Variants in PRICKLE2 observed in about 807,000 individuals in gnomAD.
PRICKLE2 encodes the protein prickle planar cell polarity protein 2.
In PRICKLE2, 21 loss-of-function variants were observed where a neutral mutation model predicts 81.4. The ratio of observed to expected loss-of-function variants is 0.26; its 90% CI spans 0.18 to 0.37. The LOEUF (loss-of-function observed/expected upper bound fraction) is 0.37. Among genes scored for constraint, PRICKLE2 ranks in the 10% least tolerant of loss-of-function variants. The pLI is 1.00. For missense variants in PRICKLE2, 940 were observed against 1,109.0 expected (o/e 0.85, Z 2.16); for synonymous variants, 456 against 421.5 (o/e 1.08, Z -1.00).
chr3:64,124,155 C>G (rs1167085286), intron 7 of PRICKLE2, among the ~76,000 whole-genome samples: 22 of 152,168 alleles, frequency 1.4e-4, no homozygotes, highest in Non-Finnish European at 2.2e-4. Context: ...GTGGGCTGGA[C>G]AGAAAAACAA....
chr3:64,121,741 G>A (rs2077031731), intron 7 of PRICKLE2, among the ~76,000 whole-genome samples: 2 of 152,170 alleles, frequency 1.3e-5, no homozygotes, highest in Admixed American at 1.3e-4. Context: ...TGGGCAGACA[G>A]GCCACTCACC....
chr3:64,225,534 ATCCT>A, upstream of PRICKLE2: 1 of 749,110 alleles, frequency 1.3e-6, no homozygotes, highest in Non-Finnish European at 1.6e-6. Context: ...TGGACGTCCC[ATCCT>A]GCTGCCCAGT....
In PRICKLE2 at chr3:64,157,330, C is replaced by T. The variant is rs1326194235; in HGVS notation, c.432G>A (p.Val144=). The T allele has an allele frequency of 2.5e-6, 4 of 1,613,570 alleles. No homozygotes were observed. The African/African-American group carries it at 4.0e-5, about 16-fold the overall frequency. The change falls in exon 5 of 8, where the codon GTG becomes GTA. Residue 144 remains valine, a synonymous_variant. Transcript: ENST00000638394. Reference sequence around the variant, plus strand: ...CGCCGTGGCCAGCGCGTGACGCAAACACAGCGATGTCTCCACCATTGATCT... The same window carrying T: ...CGCCGTGGCCAGCGCGTGACGCAAATACAGCGATGTCTCCACCATTGATCT... ...GGQINGGDIA[V]FASRAGHGVC... is the part of the protein sequence containing the mutation.
At chr3:64,194,214 G>A (rs2078405525) in intron 2 of PRICKLE2, 1 of 152,222 alleles carries the variant, frequency 6.6e-6, no homozygotes, top group Non-Finnish European at 1.5e-5. Flanking sequence ...TCTGCCTCAG[G>A]GATCTGCTCA....
At chr3:64,231,466 G>A (rs1318287100) in intron 2 of PRICKLE2, among the ~76,000 whole-genome samples, 2 of 152,106 alleles carry the variant, frequency 1.3e-5, no homozygotes, top group Non-Finnish European at 2.9e-5. Context: ...TTTATGTAAA[G>A]GACTAGGAGA....
At chr3:64,258,841 AAAAAAAAGAAAGAAAGAAAGAAAG>A (rs2079568494) in intron 2 of PRICKLE2, among the ~76,000 whole-genome samples, 9 of 39,306 alleles carry the variant, frequency 2.3e-4, no homozygotes, top group African/African-American at 6.7e-4. Context: ...AAAAAAAAAA[AAAAAAAAGAAAGAAAGAAAGAAAG>A]AAAGAAAGAA....
intron 7 of PRICKLE2, chr3:64,106,205 G>T (rs955900016): frequency 2.0e-5 from 3 of 152,164 alleles, no homozygotes; most frequent in African/African-American, 7.2e-5. Flanking sequence ...TTTCAGTAGG[G>T]TCTTTCCTAT....
rs142263776 is a variant in PRICKLE2 at position 64,098,905 on chromosome 3, G to A, written c.*146C>T. 87 of 848,602 alleles carry A rather than the reference G, an allele frequency of 1.0e-4. 1 individual carries two copies. In the East Asian group the frequency reaches 1.8e-3, roughly 18 times the overall value. 52.6% of individuals were successfully genotyped at this position (848,602 alleles called of 1,614,324 possible). A position where few individuals can be genotyped will look rare whatever the true frequency, so the allele number is the denominator to read the frequency against. Reference sequence around the variant, plus strand: ...CTGTGACTACCTATTGAGTCAACCTGTAACCTTGCCTCCATCTACTGACAG... The same window carrying A: ...CTGTGACTACCTATTGAGTCAACCTATAACCTTGCCTCCATCTACTGACAG... On this transcript the variant is annotated 3_prime_UTR_variant, in exon 8 of 8. Coordinates refer to ENST00000638394, the MANE Select transcript of PRICKLE2 (RefSeq NM_198859.4).
chr3:64,116,335 A>G (rs2076933623), intron 7 of PRICKLE2, among the ~76,000 whole-genome samples: 1 of 152,180 alleles, frequency 6.6e-6, no homozygotes, highest in Non-Finnish European at 1.5e-5. Flanking sequence ...GAAGACACAA[A>G]ATAATCAAAA....
At chr3:64,175,411 A>G (rs1238343261) in intron 2 of PRICKLE2, among the ~76,000 whole-genome samples, 1 of 152,152 alleles carries the variant, frequency 6.6e-6, no homozygotes, top group Non-Finnish European at 1.5e-5. Flanking sequence ...TAGTTCACCT[A>G]CTTCTTAGAT....
intron 2 of PRICKLE2, among the ~76,000 whole-genome samples, chr3:64,246,700 T>C (rs2079361570): frequency 6.6e-6 from 1 of 152,208 alleles, no homozygotes; most frequent in African/African-American, 2.4e-5. Flanking sequence ...ATGTTGCTGA[T>C]ATGTGGATCA....
intron 2 of PRICKLE2, among the ~76,000 whole-genome samples, chr3:64,245,916 G>A (rs181791091): frequency 2.5e-3 from 385 of 152,226 alleles, no homozygotes; most frequent in Non-Finnish European, 4.3e-3. Context: ...ATAATTCACT[G>A]AGACTTTTCC....
At chr3:64,212,916 G>A (rs540944392) in intron 1 of PRICKLE2, among the ~76,000 whole-genome samples, 2 of 152,170 alleles carry the variant, frequency 1.3e-5, no homozygotes, top group African/African-American at 4.8e-5. Flanking sequence ...ACAGACGGGT[G>A]GTGAACAATT....
chr3:64,153,777 A>G, intron 5 of PRICKLE2: 1 of 239,846 alleles, frequency 4.2e-6, no homozygotes, highest in Non-Finnish European at 8.2e-6. Flanking sequence ...TCTTTTGAAA[A>G]CACAACATTT....
intron 6 of PRICKLE2, 116 bp downstream of exon 6, chr3:64,153,065 GT>G: frequency 1.0e-6 from 1 of 995,612 alleles, no homozygotes; most frequent in Non-Finnish European, 1.6e-6. Context: ...CCCTTTTTCA[GT>G]TAAGTTAGCA....
intron 2 of PRICKLE2, among the ~76,000 whole-genome samples, chr3:64,250,333 T>G (rs2079427526): frequency 6.6e-6 from 1 of 152,196 alleles, no homozygotes; most frequent in Non-Finnish European, 1.5e-5. Context: ...AATAGTGGCC[T>G]CATCTCCCAA....
intron 4 of PRICKLE2, 58 bp downstream of exon 4, chr3:64,159,882 T>A: frequency 6.2e-7 from 1 of 1,609,156 alleles, no homozygotes; most frequent in Non-Finnish European, 8.5e-7. Context: ...GTTGGATGAA[T>A]GAATGGGTGA....
intron 2 of PRICKLE2, among the ~76,000 whole-genome samples, chr3:64,171,395 A>G (rs562248913): frequency 2.0e-5 from 3 of 152,218 alleles, no homozygotes; most frequent in Non-Finnish European, 4.4e-5. Context: ...CAAACTTCCT[A>G]CAATACATGG....
intron 2 of PRICKLE2, among the ~76,000 whole-genome samples, chr3:64,188,788 T>C (rs1006256983): frequency 3.3e-5 from 5 of 152,248 alleles, no homozygotes; most frequent in African/African-American, 1.2e-4. Context: ...GTCCAATGCC[T>C]GCTTTCACAT....
Sources: allele counts gnomAD v4.1 joint callset (sites outside exome capture counted in the v4.1 genomes callset), GRCh38; gene constraint gnomAD v4.1.1; transcripts MANE v1.5; gene names NCBI Gene and HGNC (gene_info 2026-07-23, HGNC 2026-07-21).